SYNDIG1L: variants seen among roughly 807,000 people sequenced by gnomAD.
SYNDIG1L encodes synapse differentiation-inducing gene protein 1-like.
SYNDIG1L carries 13 observed loss-of-function variants against 20.1 expected under a neutral mutation model. That is an observed-to-expected ratio of 0.65 (90% CI 0.42 to 1.03). SYNDIG1L has a LOEUF of 1.03. SYNDIG1L is among the 50% of genes least tolerant of loss of function. The pLI, the probability that SYNDIG1L is intolerant of heterozygous loss-of-function variation, is 0.00. For synonymous variants in SYNDIG1L, 128 were observed against 129.3 expected, an observed-to-expected ratio of 0.99 and a Z score of 0.07; for missense variants, 294 against 305.1, an observed-to-expected ratio of 0.96 and a Z score of 0.27.
chr14:74,473,968 T>C, the SYNDIG1L span: 1 of 152,220 alleles, frequency 6.6e-6, no homozygotes, highest in Non-Finnish European at 1.5e-5. Flanking sequence ...TGACCAAATC[T>C]GGGACCTTGT....
Position 74,406,075 on chromosome 14 carries a change from G to A in SYNDIG1L, c.*1460C>T, listed in dbSNP as rs1339073642. 8 of 398,518 alleles carry A rather than the reference G, an allele frequency of 2.0e-5. No homozygotes were observed. The East Asian group carries it at 2.5e-4, about 12-fold the overall frequency. 24.7% of individuals were successfully genotyped at this position (398,518 alleles called of 1,614,324 possible). A position where few individuals can be genotyped will look rare whatever the true frequency, so the allele number is the denominator to read the frequency against. On this transcript the variant is annotated 3_prime_UTR_variant, in exon 4 of 4. Coordinates refer to ENST00000331628, the MANE Select transcript of SYNDIG1L (RefSeq NM_001105579.2). ...CTGGATGGGGCATGGGAATGACCAG[G>A]TTCCCACATCATGCACAGCAGGGGC...
chr14:74,431,236 CGTGT>C, the SYNDIG1L span, among the ~76,000 whole-genome samples: 6 of 151,352 alleles, frequency 4.0e-5, no homozygotes, highest in Non-Finnish European at 3.0e-5. Context: ...TTTGCATGTG[CGTGT>C]GTGTGTGTGT....
In SYNDIG1L at chr14:74,408,543, G is replaced by A. The variant is rs1352334939; in HGVS notation, c.418-554C>T. Among the ~76,000 whole-genome samples the A allele has an allele frequency of 7.1e-5, 10 of 141,194 alleles. No homozygotes were observed. The East Asian group carries it at 1.2e-3, about 17-fold the overall frequency. 92.6% of individuals were successfully genotyped at this position (141,194 alleles called of 152,430 possible). On this transcript the variant is annotated intron_variant, in intron 2 of 3. Coordinates refer to ENST00000331628, the MANE Select transcript of SYNDIG1L (RefSeq NM_001105579.2). ...CGCACCTTTGCACTCCAGCCGGGGC[G>A]ACAGAGCGAGACTCCATCTCAAAAA...
the SYNDIG1L span, among the ~76,000 whole-genome samples, chr14:74,452,299 G>A: frequency 2.0e-5 from 3 of 152,146 alleles, no homozygotes; most frequent in Non-Finnish European, 4.4e-5. Flanking sequence ...GGCTGATATG[G>A]TTTGGCTGTG....
At chr14:74,446,669 T>C in the SYNDIG1L span, among the ~76,000 whole-genome samples, 26 of 148,322 alleles carry the variant, frequency 1.8e-4, no homozygotes, top group African/African-American at 6.5e-4. Flanking sequence ...CAGGCTGGAG[T>C]GTAGTGGCAT....
the SYNDIG1L span, among the ~76,000 whole-genome samples, chr14:74,436,905 C>T: frequency 6.6e-6 from 1 of 151,598 alleles, no homozygotes. Flanking sequence ...TGTCTTTTCC[C>T]AGACTCCTCT....
At position 74,407,607 on chromosome 14, in the gene SYNDIG1L, G is replaced by A. The variant is rs371632068; in HGVS notation, c.645C>T (p.Ala215=). Residue 215 remains alanine (A), a synonymous_variant, in exon 4 of 4, where the codon GCC becomes GCT. Coordinates refer to ENST00000331628, the MANE Select transcript of SYNDIG1L (RefSeq NM_001105579.2). ...RALFLATLAI[A]VGAGLYVAVV... is the part of the protein sequence containing the mutation. ...CAGCCACGTAGAGACCGGCCCCCAC[G>A]GCGATGGCGAGTGTGGCTAGGAAGA... The A allele has an allele frequency of 5.7e-4, 920 of 1,614,142 alleles. 11 individuals are homozygous for A. The South Asian group carries it at 7.6e-3, about 13-fold the overall frequency.
the SYNDIG1L span, among the ~76,000 whole-genome samples, chr14:74,443,281 A>G: frequency 6.6e-6 from 1 of 152,222 alleles, no homozygotes; most frequent in Non-Finnish European, 1.5e-5. Context: ...CATGAAAGCA[A>G]TTCGTGAAAG....
the SYNDIG1L span, among the ~76,000 whole-genome samples, chr14:74,454,176 T>C: frequency 1.6e-4 from 25 of 152,232 alleles, no homozygotes; most frequent in African/African-American, 6.0e-4. Flanking sequence ...ACATCTTCAC[T>C]GTTTTCCAAA....
the SYNDIG1L span, among the ~76,000 whole-genome samples, chr14:74,455,945 C>T: frequency 6.6e-6 from 1 of 152,350 alleles, no homozygotes; most frequent in African/African-American, 2.4e-5. Context: ...CTGGCTGCCC[C>T]CAGCCCCACG....
At position 74,407,621 on chromosome 14, in the gene SYNDIG1L, T is replaced by C. The variant is rs1421589040; in HGVS notation, c.631A>G (p.Thr211Ala). 6.2e-7 allele frequency: 1 copy of C among 1,613,896 alleles called. No individual in the cohort carries two copies. Among genetic ancestry groups the C allele is most frequent in the East Asian group, 2.2e-5 (1 of 44,870 alleles). ...TTSRRALFLA[T>A]LAIAVGAGLY... ...CCGGCCCCCACGGCGATGGCGAGTG[T>C]GGCTAGGAAGAGGGCCCGGCGGGAG... The change falls in exon 4 of 4, where the codon ACA (threonine) becomes GCA (alanine). Residue 211 changes from threonine (T) to alanine (A), a missense_variant. Physicochemically the swap from Thr to Ala is moderately conservative, Grantham distance 58. Transcript: ENST00000331628.
At chr14:74,417,966 C>T (rs1421169626) in intron 1 of SYNDIG1L, among the ~76,000 whole-genome samples, 1 of 152,242 alleles carries the variant, frequency 6.6e-6, no homozygotes, top group African/African-American at 2.4e-5. Context: ...ATACTGACCA[C>T]TATCTCTCAG....
At chr14:74,453,018 C>A in the SYNDIG1L span, among the ~76,000 whole-genome samples, 133 of 152,138 alleles carry the variant, frequency 8.7e-4, no homozygotes, top group Non-Finnish European at 1.4e-3. Flanking sequence ...TTATAAAATT[C>A]TAGAGAATAC....
At chr14:74,480,139 C>CA in the SYNDIG1L span, 2 of 1,588,376 alleles carry the variant, frequency 1.3e-6, no homozygotes, top group Non-Finnish European at 1.7e-6. Context: ...GTTTCTGCTA[C>CA]AGAGCACCTC....
chr14:74,464,353 A>G, the SYNDIG1L span, among the ~76,000 whole-genome samples: 1 of 152,100 alleles, frequency 6.6e-6, no homozygotes, highest in Non-Finnish European at 1.5e-5. Context: ...TCCCTAAATG[A>G]ATCCTATGGT....
the SYNDIG1L span, among the ~76,000 whole-genome samples, chr14:74,457,935 C>T: frequency 6.6e-6 from 1 of 152,044 alleles, no homozygotes; most frequent in Non-Finnish European, 1.5e-5. Flanking sequence ...GTAGCTGGGA[C>T]TACAGCCAAG....
At chr14:74,433,022 TTAAA>T in the SYNDIG1L span, among the ~76,000 whole-genome samples, 1 of 152,222 alleles carries the variant, frequency 6.6e-6, no homozygotes, top group Non-Finnish European at 1.5e-5. Context: ...GTATTGATTC[TTAAA>T]TAATTTAATA....
chr14:74,442,110 A>G, the SYNDIG1L span, among the ~76,000 whole-genome samples: 1 of 152,188 alleles, frequency 6.6e-6, no homozygotes, highest in Non-Finnish European at 1.5e-5. Context: ...TTTCTTTAAA[A>G]TAGTACCTTT....
At position 74,409,803 on chromosome 14, in the gene SYNDIG1L, T is replaced by G; in HGVS notation, c.-57-2A>C. On this transcript the variant is annotated splice_acceptor_variant, in intron 1 of 3. Coordinates refer to ENST00000331628, the MANE Select transcript of SYNDIG1L (RefSeq NM_001105579.2). LOFTEE classifies it low-confidence loss of function (5UTR_SPLICE). ...GGCCAGCTGAGCAGTCCTCAGAGCC[T>G]GTCAGAAGAGCAAGACAGACAAGCA... is the stretch of plus-strand genomic sequence containing the variant. 7.2e-7 allele frequency: 1 copy of G among 1,380,270 alleles called. No individual in the cohort carries two copies. Among genetic ancestry groups the G allele is most frequent in the Non-Finnish European group, 9.4e-7 (1 of 1,060,846 alleles). The allele number at this position is 1,380,270 out of a possible 1,614,324, so 85.5% of individuals were successfully genotyped here. A position where few individuals can be genotyped will look rare whatever the true frequency, so the allele number is the denominator to read the frequency against.
Sources: gnomAD v4.1 joint callset for allele counts (sites outside exome capture counted in the v4.1 genomes callset) on GRCh38, gnomAD v4.1.1 for gene constraint, MANE v1.5 for transcripts, NCBI Gene and HGNC (gene_info 2026-07-23, HGNC 2026-07-21) for gene names.